The following PRKN variants were observed in gnomAD, a reference collection of about 807,000 sequenced individuals.
PRKN encodes the protein E3 ubiquitin-protein ligase parkin.
PRKN carries 56 observed loss-of-function variants against 59.5 expected under a neutral mutation model. The observed-to-expected ratio is 0.94, with a 90% CI of 0.76 to 1.18. PRKN has a LOEUF of 1.18. Among genes scored for constraint, PRKN ranks in the 50% most tolerant of loss-of-function variants. The pLI is 0.00. For synonymous variants in PRKN, 250 were observed against 222.1 expected, an observed-to-expected ratio of 1.13 and a Z score of -1.12; for missense variants, 657 against 596.4, an observed-to-expected ratio of 1.10 and a Z score of -1.06.
intron 6 of PRKN, among the ~76,000 whole-genome samples, chr6:161,934,431 A>T (rs1447105239): frequency 6.6e-6 from 1 of 152,186 alleles, no homozygotes; most frequent in Non-Finnish European, 1.5e-5. Flanking sequence ...AATTTTAGCA[A>T]AAATTACTTA....
At chr6:161,656,879 G>A (rs955303252) in intron 7 of PRKN, among the ~76,000 whole-genome samples, 9 of 152,130 alleles carry the variant, frequency 5.9e-5, no homozygotes, top group Admixed American at 4.6e-4. Flanking sequence ...ATATTCTAAG[G>A]AAATCATATA....
chr6:161,632,656 G>A (rs1020924338), intron 7 of PRKN, among the ~76,000 whole-genome samples: 6 of 152,194 alleles, frequency 3.9e-5, no homozygotes, highest in Non-Finnish European at 8.8e-5. Context: ...GCTCAAGACT[G>A]GGTAATTTAT....
At chr6:161,890,137 C>G (rs2128231833) in intron 6 of PRKN, among the ~76,000 whole-genome samples, 1 of 152,262 alleles carries the variant, frequency 6.6e-6, no homozygotes, top group South Asian at 2.1e-4. Flanking sequence ...TTTATTCATT[C>G]AAATCCTATG....
At chr6:162,046,684 C>T (rs552295728) in intron 5 of PRKN, among the ~76,000 whole-genome samples, 3 of 152,182 alleles carry the variant, frequency 2.0e-5, no homozygotes, top group Admixed American at 6.5e-5. Context: ...TTCAATTTTC[C>T]ACCAGGTTAT....
At chr6:161,939,188 C>T (rs576374243) in intron 6 of PRKN, among the ~76,000 whole-genome samples, 34 of 151,980 alleles carry the variant, frequency 2.2e-4, no homozygotes, top group African/African-American at 6.3e-4. Context: ...GAGGCTGAGG[C>T]GGGAGGATCA....
At chr6:162,519,151 C>A (rs922304337) in intron 1 of PRKN, among the ~76,000 whole-genome samples, 3 of 152,108 alleles carry the variant, frequency 2.0e-5, no homozygotes, top group Admixed American at 6.6e-5. Flanking sequence ...GCCTGGGCAA[C>A]AAGAGCGAAA....
At chr6:162,615,845 TCACA>T (rs1245635423) in intron 1 of PRKN, among the ~76,000 whole-genome samples, 4 of 152,126 alleles carry the variant, frequency 2.6e-5, no homozygotes, top group Admixed American at 2.6e-4. Flanking sequence ...GTTCATTCAC[TCACA>T]CACTCTTTCA....
chr6:161,982,456 A>G (rs1781296750), intron 5 of PRKN, among the ~76,000 whole-genome samples: 1 of 77,696 alleles, frequency 1.3e-5, no homozygotes, highest in African/African-American at 5.6e-5. Flanking sequence ...AGTCAATCCT[A>G]AGCCAAAAGA....
intron 2 of PRKN, among the ~76,000 whole-genome samples, chr6:162,304,454 C>A (rs565480983): frequency 6.6e-6 from 1 of 150,874 alleles, no homozygotes; most frequent in South Asian, 2.1e-4. Context: ...CAAAAACTTT[C>A]CATATAACTA....
intron 1 of PRKN, among the ~76,000 whole-genome samples, chr6:162,659,648 C>A (rs1778805161): frequency 6.6e-6 from 1 of 151,884 alleles, no homozygotes; most frequent in African/African-American, 2.4e-5. Context: ...GTTATTAACC[C>A]ATTAGGTGCC....
rs534911914 is a variant in PRKN at position 162,254,332 on chromosome 6, CT to C, written c.412+8192del. Reference sequence around the variant, plus strand: ...ATTAGCTGGGCATGGTGGTGGGTGCCTGTAATCCCAGCTTCTCTGGAGGCTG... The same window carrying C: ...ATTAGCTGGGCATGGTGGTGGGTGCCGTAATCCCAGCTTCTCTGGAGGCTG... On this transcript the variant is annotated intron_variant, in intron 3 of 11. Transcript: ENST00000366898. 3.4e-4 allele frequency among the ~76,000 whole-genome samples: 52 copies of C among 151,856 alleles called. No individual in the cohort carries two copies. The South Asian group carries it at 0.011, about 32-fold the overall frequency.
intron 4 of PRKN, among the ~76,000 whole-genome samples, chr6:162,191,040 G>A (rs1353914845): frequency 6.6e-6 from 1 of 152,170 alleles, no homozygotes; most frequent in East Asian, 1.9e-4. Context: ...CAGTTTCAAG[G>A]CTAGCCAAGT....
chr6:162,152,018 C>A (rs1782293652), intron 4 of PRKN, among the ~76,000 whole-genome samples: 1 of 152,074 alleles, frequency 6.6e-6, no homozygotes, highest in Non-Finnish European at 1.5e-5. Context: ...CCATTACAAA[C>A]AACAGATTTT....
intron 7 of PRKN, among the ~76,000 whole-genome samples, chr6:161,771,976 C>T (rs1178368133): frequency 1.3e-5 from 2 of 152,090 alleles, no homozygotes; most frequent in Non-Finnish European, 2.9e-5. Context: ...CACAAGACAT[C>T]GCACAGGGAG....
chr6:161,454,854 T>TA lies in PRKN; in HGVS notation c.1084-67978dup, dbSNP rs1431618733. On this transcript the variant is annotated intron_variant, in intron 9 of 11. Transcript: ENST00000366898. The surrounding 1 kb of genome is among the most constrained non-coding windows in gnomAD (Gnocchi z 4.6). ...CTCCAGTAAAACCATCTAGCCTGTCTAAAGTCATCCTTCCACTCCCCCAGT... is the reference window on the plus strand; with the variant it reads ...CTCCAGTAAAACCATCTAGCCTGTCTAAAAGTCATCCTTCCACTCCCCCAGT... Among the ~76,000 whole-genome samples, 5 of 152,320 alleles carry TA rather than the reference T, an allele frequency of 3.3e-5. No individual in the cohort carries two copies. Among genetic ancestry groups the TA allele is most frequent in the South Asian group, 2.1e-4 (1 of 4,828 alleles).
At chr6:162,342,660 C>T (rs1399961289) in intron 2 of PRKN, among the ~76,000 whole-genome samples, 1 of 152,118 alleles carries the variant, frequency 6.6e-6, no homozygotes. Context: ...TTTACTTACT[C>T]CTCAGTGACT....
chr6:161,657,773 C>T (rs960766669), intron 7 of PRKN, among the ~76,000 whole-genome samples: 3 of 151,946 alleles, frequency 2.0e-5, no homozygotes, highest in Non-Finnish European at 4.4e-5. Flanking sequence ...CACTTGTAAT[C>T]CCAGCACTTT....
intron 9 of PRKN, among the ~76,000 whole-genome samples, chr6:161,541,812 C>G (rs2115410711): frequency 6.6e-6 from 1 of 151,676 alleles, no homozygotes; most frequent in East Asian, 1.9e-4. Flanking sequence ...CAGAGCGAGA[C>G]TCCGTCTCAA....
chr6:161,988,159 A>G (rs1781503734), intron 5 of PRKN, among the ~76,000 whole-genome samples: 1 of 152,192 alleles, frequency 6.6e-6, no homozygotes, highest in Admixed American at 6.5e-5. Flanking sequence ...AGGAAGAGTC[A>G]GTTCTTCCAA....
Sources: allele counts gnomAD v4.1 joint callset (sites outside exome capture counted in the v4.1 genomes callset), GRCh38; gene constraint gnomAD v4.1.1; non-coding constraint Gnocchi (gnomAD v3.1); transcripts MANE v1.5; gene names NCBI Gene and HGNC (gene_info 2026-07-23, HGNC 2026-07-21).